Variants in AGAP1 observed in about 807,000 individuals in gnomAD.
AGAP1 encodes the protein arf-GAP with GTPase, ANK repeat and PH domain-containing protein 1.
A neutral mutation model predicts 105.3 loss-of-function variants in AGAP1; 29 were observed. That is an observed-to-expected ratio of 0.28 (90% confidence interval 0.21 to 0.38). AGAP1 has a LOEUF of 0.38. AGAP1 is among the 10% of genes least tolerant of loss of function. The pLI is 1.00. For missense variants in AGAP1, 998 were observed against 1,165.1 expected, an observed-to-expected ratio of 0.86 and a Z score of 2.09; for synonymous variants, 509 against 485.9, an observed-to-expected ratio of 1.05 and a Z score of -0.63.
chr2:235,626,535 GC>G (rs1382229944), intron 1 of AGAP1, among the ~76,000 whole-genome samples: 2 of 149,148 alleles, frequency 1.3e-5, no homozygotes, highest in Non-Finnish European at 3.0e-5. Context: ...AAAGGCATAC[GC>G]CAGAATGTTT....
At chr2:235,518,002 C>T (rs1376393083) in intron 1 of AGAP1, among the ~76,000 whole-genome samples, 1 of 151,928 alleles carries the variant, frequency 6.6e-6, no homozygotes, top group African/African-American at 2.4e-5. Context: ...CCCGGCTTGC[C>T]TCAGTTGGGG....
intron 1 of AGAP1, among the ~76,000 whole-genome samples, chr2:235,628,732 T>C (rs1010530563): frequency 6.6e-6 from 1 of 152,138 alleles, no homozygotes; most frequent in South Asian, 2.1e-4. Flanking sequence ...CCAAGCAGTG[T>C]ACACTGCACC....
rs1201821174 is a variant in AGAP1, at chr2:235,904,201, G to T, written c.1156-4537G>T. On this transcript the variant is annotated intron_variant, in intron 10 of 17. Coordinates refer to ENST00000304032, the MANE Select transcript of AGAP1 (RefSeq NM_001037131.3). The surrounding 1 kb of genome is among the most constrained non-coding windows in gnomAD (Gnocchi z 4.2). ...GCAGCTAATTAAGTGTACGGCAATA[G>T]ATGCAACATAATTAGGAGCGAAATG... 6.6e-6 allele frequency among the ~76,000 whole-genome samples: 1 copy of T among 152,198 alleles called. No individual in the cohort carries two copies. The highest frequency in any genetic ancestry group is 1.5e-5 in the Non-Finnish European group (1 of 68,030).
Position 235,883,303 on chromosome 2 carries a change from T to TA in AGAP1, c.1051-41dup, listed in dbSNP as rs1280438358. On this transcript the variant is annotated intron_variant, in intron 9 of 17. Transcript: ENST00000304032. This position sits in a 1 kb window ranked among gnomAD's most constrained non-coding sequence, Gnocchi z 4.5. ...CTGTGTACCTGCCTTTTCTTTTTTT[T>TA]ATTTACATTAGAATTTCTATTTGGC... 4 of 1,579,808 alleles carry TA rather than the reference T, an allele frequency of 2.5e-6. No individual in the cohort carries two copies. The South Asian group carries it at 3.3e-5, about 13-fold the overall frequency.
At chr2:235,527,497 A>T (rs1023795977) in intron 1 of AGAP1, among the ~76,000 whole-genome samples, 1 of 152,150 alleles carries the variant, frequency 6.6e-6, no homozygotes, top group Non-Finnish European at 1.5e-5. Flanking sequence ...TAGCCTCCTG[A>T]ATAGCTGGGA....
chr2:235,850,498 T>C (rs1025278569), intron 9 of AGAP1, among the ~76,000 whole-genome samples: 6 of 152,190 alleles, frequency 3.9e-5, no homozygotes, highest in African/African-American at 1.4e-4. Context: ...CCACCCCGCA[T>C]TAGTGTCCAT....
In AGAP1 at chr2:235,689,074, A is replaced by G. The variant is rs1373136144; in HGVS notation, c.164-20105A>G. 1.3e-5 allele frequency among the ~76,000 whole-genome samples: 2 copies of G among 152,170 alleles called. No individual in the cohort carries two copies. The highest frequency in any genetic ancestry group is 3.9e-4 in the East Asian group (2 of 5,194). ...TAAGATTGATTGATTGGTTATCTGT[A>G]GGAGACATCTACGTATACGTATTTA... On this transcript the variant is annotated intron_variant, in intron 1 of 17. Transcript: ENST00000304032. This position sits in a 1 kb window ranked among gnomAD's most constrained non-coding sequence, Gnocchi z 4.2.
intron 16 of AGAP1, among the ~76,000 whole-genome samples, chr2:236,102,217 A>G (rs1055099186): frequency 2.7e-4 from 41 of 152,254 alleles, no homozygotes; most frequent in Admixed American, 5.9e-4. Flanking sequence ...GGAGATCGAG[A>G]CCATCCTGGC....
intron 6 of AGAP1, chr2:235,783,168 A>G (rs1956383102): frequency 5.8e-6 from 2 of 343,742 alleles, no homozygotes; most frequent in Non-Finnish European, 1.2e-5. Context: ...TGATGTCACC[A>G]AAGACAAAGT....
In AGAP1 at chr2:235,867,572, T is replaced by TGCGTGC. The variant is rs1553655423; in HGVS notation, c.1051-15772_1051-15771insCGTGCG. 2.0e-5 allele frequency among the ~76,000 whole-genome samples: 3 copies of TGCGTGC among 148,370 alleles called. No homozygotes were observed. The highest frequency in any genetic ancestry group is 3.0e-5 in the Non-Finnish European group (2 of 67,064). On this transcript the variant is annotated intron_variant, in intron 9 of 17. Coordinates refer to ENST00000304032, the MANE Select transcript of AGAP1 (RefSeq NM_001037131.3). The surrounding 1 kb of genome is among the most constrained non-coding windows in gnomAD (Gnocchi z 5.4). ...GTGTGTGTGTGTGTGTGTGTGTGTG[T>TGCGTGC]GTGCAAGTGAGGGAGGGTGACCCCC...
chr2:235,521,908 G>A (rs893842253), intron 1 of AGAP1, among the ~76,000 whole-genome samples: 2 of 152,050 alleles, frequency 1.3e-5, no homozygotes, highest in African/African-American at 4.8e-5. Flanking sequence ...ATGTAGTTTC[G>A]CTAAAGGTTG....
chr2:235,568,591 C>T (rs1429265600), intron 1 of AGAP1, among the ~76,000 whole-genome samples: 1 of 152,096 alleles, frequency 6.6e-6, no homozygotes, highest in African/African-American at 2.4e-5. Flanking sequence ...GGATGTGGAT[C>T]GCTGCTGGCT....
intron 10 of AGAP1, among the ~76,000 whole-genome samples, chr2:235,902,289 C>T (rs1403439036): frequency 1.3e-5 from 2 of 152,076 alleles, no homozygotes; most frequent in African/African-American, 2.4e-5. Flanking sequence ...CACACTTCAC[C>T]AAAACTCAAC....
At chr2:236,066,079 CT>C (rs1210335872) in intron 16 of AGAP1, among the ~76,000 whole-genome samples, 1 of 152,224 alleles carries the variant, frequency 6.6e-6, no homozygotes, top group African/African-American at 2.4e-5. Flanking sequence ...TCTTCCATTG[CT>C]TGTCCCACTA....
In AGAP1 at chr2:235,788,047, A is replaced by G. The variant is rs12472150; in HGVS notation, c.674-9712A>G. Among the ~76,000 whole-genome samples the G allele has an allele frequency of 0.26, 39,332 of 152,116 alleles. 5,450 individuals are homozygous for G. Among genetic ancestry groups the G allele is most frequent in the Admixed American group, 0.4 (6,052 of 15,284 alleles). On this transcript the variant is annotated intron_variant, in intron 6 of 17. Transcript: ENST00000304032. The surrounding 1 kb of genome is among the most constrained non-coding windows in gnomAD (Gnocchi z 6.0). Reference sequence around the variant, plus strand: ...GGACCTTCCTAGGCCATTGGCATCAACGCTGCAGCCTCTGAGTCATGCATG... The same window carrying G: ...GGACCTTCCTAGGCCATTGGCATCAGCGCTGCAGCCTCTGAGTCATGCATG...
chr2:235,532,397 G>GC (rs1943073745), intron 1 of AGAP1, among the ~76,000 whole-genome samples: 1 of 152,124 alleles, frequency 6.6e-6, no homozygotes, highest in Admixed American at 6.6e-5. Flanking sequence ...TTGTATTTTT[G>GC]TAGAGATGGG....
intron 6 of AGAP1, among the ~76,000 whole-genome samples, chr2:235,759,152 G>A (rs1954189311): frequency 6.8e-6 from 1 of 146,598 alleles, no homozygotes; most frequent in Admixed American, 6.8e-5. Context: ...CCCTAGGGTT[G>A]TTGATGTCAT....
intron 9 of AGAP1, among the ~76,000 whole-genome samples, chr2:235,815,711 G>A (rs567629872): frequency 8.5e-5 from 13 of 152,292 alleles, no homozygotes; most frequent in South Asian, 2.1e-4. Flanking sequence ...GGCCGCATGC[G>A]TTAGATAGGA....
At chr2:235,948,723 A>G (rs2053605805) in intron 12 of AGAP1, among the ~76,000 whole-genome samples, 1 of 152,146 alleles carries the variant, frequency 6.6e-6, no homozygotes, top group Non-Finnish European at 1.5e-5. Context: ...TGGAGGGGAC[A>G]GTGGGGGCAC....
Sources: gnomAD v4.1 joint callset for allele counts (sites outside exome capture counted in the v4.1 genomes callset) on GRCh38, gnomAD v4.1.1 for gene constraint, Gnocchi (gnomAD v3.1) non-coding constraint, MANE v1.5 for transcripts, NCBI Gene and HGNC (gene_info 2026-07-23, HGNC 2026-07-21) for gene names.